NPAS3: variants seen among roughly 807,000 people sequenced by gnomAD.
NPAS3 encodes neuronal PAS domain protein 3.
A neutral mutation model predicts 73.1 loss-of-function variants in NPAS3; 14 were observed. The observed-to-expected ratio is 0.19, with a 90% confidence interval of 0.13 to 0.30. NPAS3 has a LOEUF of 0.30. NPAS3 is among the 10% of genes least tolerant of loss of function. The pLI is 1.00. For synonymous variants in NPAS3, 620 were observed against 541.5 expected, an observed-to-expected ratio of 1.14 and a Z score of -2.01; for missense variants, 1,096 against 1,250.0, an observed-to-expected ratio of 0.88 and a Z score of 1.86.
intron 4 of NPAS3, among the ~76,000 whole-genome samples, chr14:33,534,840 C>T (rs1380190132): frequency 2.6e-5 from 4 of 152,022 alleles, no homozygotes; most frequent in Non-Finnish European, 5.9e-5. Flanking sequence ...TCTTGGGGCA[C>T]AGTGGAATGG....
intron 4 of NPAS3, among the ~76,000 whole-genome samples, chr14:33,504,057 G>A (rs1049441038): frequency 7.9e-5 from 12 of 151,874 alleles, no homozygotes; most frequent in Admixed American, 5.3e-4. Flanking sequence ...GACACCCACC[G>A]CACATAGGGT....
intron 4 of NPAS3, among the ~76,000 whole-genome samples, chr14:33,424,648 A>G (rs1189296983): frequency 6.6e-6 from 1 of 151,696 alleles, no homozygotes; most frequent in Non-Finnish European, 1.5e-5. Flanking sequence ...GGAGTGATAG[A>G]CGATGCCCAC....
At chr14:33,407,256 ATGT>A (rs1043623753) in intron 4 of NPAS3, among the ~76,000 whole-genome samples, 1 of 152,122 alleles carries the variant, frequency 6.6e-6, no homozygotes, top group Non-Finnish European at 1.5e-5. Flanking sequence ...GACTCAGTGA[ATGT>A]TGTTCTTGAC....
chr14:33,683,572 T>C (rs566079935), intron 6 of NPAS3, among the ~76,000 whole-genome samples: 43 of 152,300 alleles, frequency 2.8e-4, no homozygotes, highest in African/African-American at 9.6e-4. Flanking sequence ...GTTTCCTCCC[T>C]GTCCAAATTA....
In NPAS3 at chr14:33,369,155, A is replaced by G. The variant is rs190654690; in HGVS notation, c.468+1887A>G. Among the ~76,000 whole-genome samples the G allele has an allele frequency of 1.8e-3, 274 of 152,248 alleles. 1 individual carries two copies. Among genetic ancestry groups the G allele is most frequent in the African/African-American group, 6.2e-3 (259 of 41,562 alleles). ...TTATACTTCATTGAGAGAACACAGG[A>G]TCTAGAATGGGGCTGCAAGCTCGTT... is the stretch of plus-strand genomic sequence containing the variant. On this transcript the variant is annotated intron_variant, in intron 4 of 11. Coordinates refer to ENST00000356141, the Ensembl canonical transcript of NPAS3.
intron 4 of NPAS3, among the ~76,000 whole-genome samples, chr14:33,491,957 T>C (rs2051919349): frequency 6.6e-6 from 1 of 152,198 alleles, no homozygotes; most frequent in African/African-American, 2.4e-5. Flanking sequence ...CACCCAGATT[T>C]ATTGAAATTG....
rs80129193 is a variant in NPAS3, at chr14:33,479,028, C to G, written c.469-81093C>G. Among the ~76,000 whole-genome samples, 936 of 152,240 alleles carry G rather than the reference C, an allele frequency of 6.1e-3. 10 individuals are homozygous for G. Among genetic ancestry groups the G allele is most frequent in the African/African-American group, 0.021 (883 of 41,552 alleles). On this transcript the variant is annotated intron_variant, in intron 4 of 11. Transcript: ENST00000356141. ...GCAGCTTTCCTAATTGTTGTCAATT[C>G]CGGCCAAATGATGCTGACTTCTATT...
At chr14:33,678,754 G>GA (rs33960834) in intron 6 of NPAS3, among the ~76,000 whole-genome samples, 32,823 of 146,252 alleles carry the variant, frequency 0.22, 5,329 homozygotes, top group African/African-American at 0.44. Flanking sequence ...GACTTTGGGA[G>GA]AAAAAAAAAA....
At chr14:33,131,346 C>A (rs776122042) in intron 2 of NPAS3, among the ~76,000 whole-genome samples, 7 of 151,882 alleles carry the variant, frequency 4.6e-5, no homozygotes, top group Non-Finnish European at 7.4e-5. Flanking sequence ...CTTAAATGAC[C>A]CCATTTGATA....
intron 6 of NPAS3, among the ~76,000 whole-genome samples, chr14:33,699,404 G>A (rs540851096): frequency 4.0e-4 from 61 of 152,192 alleles, no homozygotes; most frequent in South Asian, 8.3e-4. Flanking sequence ...AAACCGAAGC[G>A]CACTCTCTGA....
At chr14:33,711,320 G>A (rs1358211108) in intron 6 of NPAS3, among the ~76,000 whole-genome samples, 4 of 152,126 alleles carry the variant, frequency 2.6e-5, no homozygotes, top group East Asian at 1.9e-4. Flanking sequence ...CTGAACTGGC[G>A]GACGAGTGTT....
At chr14:33,653,248 A>T (rs1039593531) in intron 5 of NPAS3, among the ~76,000 whole-genome samples, 1 of 152,204 alleles carries the variant, frequency 6.6e-6, no homozygotes, top group Non-Finnish European at 1.5e-5. Flanking sequence ...ATTGCTGACA[A>T]TGCCTTAAAG....
intron 4 of NPAS3, among the ~76,000 whole-genome samples, chr14:33,548,683 T>G (rs1222929104): frequency 6.6e-6 from 1 of 152,216 alleles, no homozygotes; most frequent in East Asian, 1.9e-4. Context: ...GTAGATTGTT[T>G]TGTGGCAATC....
chr14:33,528,635 C>A (rs2053908672), intron 4 of NPAS3, among the ~76,000 whole-genome samples: 1 of 152,020 alleles, frequency 6.6e-6, no homozygotes, highest in South Asian at 2.1e-4. Flanking sequence ...CTTCCCAGCG[C>A]CTGCTTAACC....
intron 2 of NPAS3, among the ~76,000 whole-genome samples, chr14:33,166,850 G>A (rs890613989): frequency 8.5e-5 from 13 of 152,112 alleles, no homozygotes; most frequent in Non-Finnish European, 5.9e-5. Flanking sequence ...ATTGAGCTTA[G>A]GAGGAAAAGG....
chr14:33,657,100 TAAC>T (rs959315990), intron 5 of NPAS3, among the ~76,000 whole-genome samples: 11 of 152,170 alleles, frequency 7.2e-5, no homozygotes, highest in Admixed American at 3.3e-4. Flanking sequence ...CTAAGTGAAA[TAAC>T]AGCAGACACA....
chr14:33,417,175 A>G (rs79923507), intron 4 of NPAS3, among the ~76,000 whole-genome samples: 2,236 of 152,168 alleles, frequency 0.015, 55 homozygotes, highest in African/African-American at 0.05. Flanking sequence ...ATCTGCAACT[A>G]TGGAACATTG....
At chr14:33,073,440 G>C (rs2041552960) in intron 2 of NPAS3, among the ~76,000 whole-genome samples, 1 of 152,168 alleles carries the variant, frequency 6.6e-6, no homozygotes, top group South Asian at 2.1e-4. Context: ...AGGGCAAGGA[G>C]ATAGAGGGTG....
At chr14:33,177,114 T>C (rs2045621185) in intron 2 of NPAS3, among the ~76,000 whole-genome samples, 1 of 149,010 alleles carries the variant, frequency 6.7e-6, no homozygotes, top group African/African-American at 2.4e-5. Context: ...ATTATTATCT[T>C]TGAGACAGAG....
Sources: gnomAD v4.1 joint callset for allele counts (sites outside exome capture counted in the v4.1 genomes callset) on GRCh38, gnomAD v4.1.1 for gene constraint, MANE v1.5 for transcripts, NCBI Gene and HGNC (gene_info 2026-07-23, HGNC 2026-07-21) for gene names.